The following LRRTM4 variants were observed in gnomAD, a reference collection of about 807,000 sequenced individuals.
The protein encoded by LRRTM4 is leucine rich repeat transmembrane neuronal 4, also known as leucine-rich repeat transmembrane neuronal protein 4.
In LRRTM4, 25 loss-of-function variants were observed where a neutral mutation model predicts 47.6. That is an observed-to-expected ratio of 0.53 (90% CI 0.38 to 0.73). The LOEUF (loss-of-function observed/expected upper bound fraction) is 0.73, where lower values mean the gene tolerates loss of function less well. Among genes scored for constraint, LRRTM4 ranks in the 30% least tolerant of loss-of-function variants. The pLI is 0.00. For missense variants in LRRTM4, 638 were observed against 713.4 expected (o/e 0.89, Z 1.20); for synonymous variants, 311 against 269.5 (o/e 1.15, Z -1.51).
At chr2:76,785,878 G>GGAAGAAA (rs1233356757) in intron 3 of LRRTM4, among the ~76,000 whole-genome samples, 2 of 152,038 alleles carry the variant, frequency 1.3e-5, no homozygotes, top group Non-Finnish European at 2.9e-5. Flanking sequence ...AGTTGCCCAA[G>GGAAGAAA]GAAGAAAATG....
rs905374836 is a variant in LRRTM4 at position 77,348,437 on chromosome 2, A to G, written c.1551+169881T>C. 4.0e-5 allele frequency among the ~76,000 whole-genome samples: 6 copies of G among 151,096 alleles called. No homozygotes were observed. The South Asian group carries it at 1.2e-3, about 31-fold the overall frequency. ...TTTCAAGAAAAAGGGAAAATTATAT[A>G]TACACACATTTAATATTATAAAATA... On this transcript the variant is annotated intron_variant, in intron 3 of 3. Transcript: ENST00000409884.
chr2:77,470,743 G>A (rs1677157358), intron 3 of LRRTM4, among the ~76,000 whole-genome samples: 1 of 152,114 alleles, frequency 6.6e-6, no homozygotes, highest in Non-Finnish European at 1.5e-5. Flanking sequence ...ACTCTCTGCA[G>A]TTTCTAAAAC....
Position 77,521,477 on chromosome 2 carries a change from T to C in LRRTM4, c.4+191A>G, listed in dbSNP as rs535902381. 1.8e-4 allele frequency among the ~76,000 whole-genome samples: 25 copies of C among 137,976 alleles called. No homozygotes were observed. The South Asian group carries it at 4.5e-3, about 25-fold the overall frequency. 90.5% of individuals were successfully genotyped at this position (137,976 alleles called of 152,430 possible). A position where few individuals can be genotyped will look rare whatever the true frequency, so the allele number is the denominator to read the frequency against. Reference sequence around the variant, plus strand: ...TAAGTTCGTGTTGTGCATTTATAGATTAAAAAAAAAACACTGCAAAAAGGA... The same window carrying C: ...TAAGTTCGTGTTGTGCATTTATAGACTAAAAAAAAAACACTGCAAAAAGGA... On this transcript the variant is annotated intron_variant, in intron 2 of 3. Coordinates refer to ENST00000409884, the MANE Select transcript of LRRTM4 (RefSeq NM_001134745.3).
chr2:76,924,201 C>T (rs1013672689), intron 3 of LRRTM4, among the ~76,000 whole-genome samples: 1 of 152,048 alleles, frequency 6.6e-6, no homozygotes, highest in African/African-American at 2.4e-5. Context: ...ATCCTAAACA[C>T]CTATTTTAAA....
intron 3 of LRRTM4, among the ~76,000 whole-genome samples, chr2:77,456,745 C>A (rs1003917578): frequency 1.3e-5 from 2 of 151,836 alleles, no homozygotes; most frequent in Non-Finnish European, 2.9e-5. Context: ...CTTGCCATAT[C>A]CATGGTGTGT....
intron 3 of LRRTM4, chr2:76,772,914 C>T (rs965904040): frequency 1.3e-5 from 2 of 152,128 alleles, no homozygotes; most frequent in African/African-American, 4.8e-5. Flanking sequence ...TTTGGGTCTA[C>T]TACCATATCA....
chr2:77,095,613 C>A (rs1312820515), intron 3 of LRRTM4, among the ~76,000 whole-genome samples: 1 of 150,886 alleles, frequency 6.6e-6, no homozygotes, highest in Admixed American at 6.6e-5. Flanking sequence ...TCAAATGATT[C>A]TCGTGCCTCA....
intron 3 of LRRTM4, among the ~76,000 whole-genome samples, chr2:77,437,247 T>A (rs1240080980): frequency 6.6e-6 from 1 of 152,032 alleles, no homozygotes; most frequent in Admixed American, 6.6e-5. Context: ...AAACATGAAA[T>A]TTTGAGCTTA....
chr2:76,899,396 A>G (rs939005068), intron 3 of LRRTM4, among the ~76,000 whole-genome samples: 2 of 151,690 alleles, frequency 1.3e-5, no homozygotes, highest in African/African-American at 4.8e-5. Context: ...CATAAATACT[A>G]TTGAGAGGTA....
intron 3 of LRRTM4, among the ~76,000 whole-genome samples, chr2:77,299,847 ATTTTT>A (rs145008759): frequency 3.5e-5 from 4 of 114,210 alleles, no homozygotes; most frequent in Non-Finnish European, 3.6e-5. Flanking sequence ...TAAGGTAATG[ATTTTT>A]TTTTTTTTTT....
intron 3 of LRRTM4, among the ~76,000 whole-genome samples, chr2:77,082,385 C>A (rs1680561417): frequency 6.6e-6 from 1 of 152,102 alleles, no homozygotes; most frequent in East Asian, 1.9e-4. Flanking sequence ...TACTATTATG[C>A]TGTATTTTGT....
At chr2:77,123,146 G>A (rs747240076) in intron 3 of LRRTM4, among the ~76,000 whole-genome samples, 5 of 150,194 alleles carry the variant, frequency 3.3e-5, no homozygotes, top group Admixed American at 6.6e-5. Context: ...ATCAGTTGAC[G>A]CAAGAAAAAT....
intron 3 of LRRTM4, among the ~76,000 whole-genome samples, chr2:77,025,918 T>C (rs1678437892): frequency 6.6e-6 from 1 of 152,194 alleles, no homozygotes; most frequent in Non-Finnish European, 1.5e-5. Flanking sequence ...TGACCGCTCC[T>C]CAAAAATATT....
intron 3 of LRRTM4, among the ~76,000 whole-genome samples, chr2:77,259,921 T>A (rs544587101): frequency 6.6e-6 from 1 of 152,150 alleles, no homozygotes; most frequent in African/African-American, 2.4e-5. Flanking sequence ...CAAAATAAAG[T>A]CATGTCTCTT....
chr2:77,046,756 A>G (rs1679249545), intron 3 of LRRTM4, among the ~76,000 whole-genome samples: 2 of 152,042 alleles, frequency 1.3e-5, no homozygotes, highest in Non-Finnish European at 2.9e-5. Context: ...TCACACATGC[A>G]TGTATATCTA....
chr2:76,800,479 A>T (rs1487726636), intron 3 of LRRTM4, among the ~76,000 whole-genome samples: 4 of 144,670 alleles, frequency 2.8e-5, no homozygotes, highest in East Asian at 4.0e-4. Context: ...CTTAAACGTT[A>T]GACCTAAAAC....
intron 3 of LRRTM4, among the ~76,000 whole-genome samples, chr2:76,876,999 A>AGT: frequency 6.6e-6 from 1 of 152,042 alleles, no homozygotes; most frequent in African/African-American, 2.4e-5. Flanking sequence ...CACACTAGAG[A>AGT]GTATACTTTG....
chr2:76,843,553 T>G (rs202054193), intron 3 of LRRTM4, among the ~76,000 whole-genome samples: 1 of 152,222 alleles, frequency 6.6e-6, no homozygotes, highest in South Asian at 2.1e-4. Flanking sequence ...TAACTGAATA[T>G]TTCATAATAA....
At chr2:76,795,400 C>CA (rs1675226852) in intron 3 of LRRTM4, among the ~76,000 whole-genome samples, 1 of 152,020 alleles carries the variant, frequency 6.6e-6, no homozygotes, top group East Asian at 1.9e-4. Flanking sequence ...AAAGTCTATA[C>CA]TGAACATGTA....
Sources: gnomAD v4.1 joint callset for allele counts (sites outside exome capture counted in the v4.1 genomes callset) on GRCh38, gnomAD v4.1.1 for gene constraint, MANE v1.5 for transcripts, NCBI Gene and HGNC (gene_info 2026-07-23, HGNC 2026-07-21) for gene names.